The following ZFAND1 variants were observed in gnomAD, a reference collection of about 807,000 sequenced individuals.
ZFAND1 encodes the protein AN1-type zinc finger protein 1.
ZFAND1 carries 40 observed loss-of-function variants against 38.5 expected under a neutral mutation model. The ratio of observed to expected loss-of-function variants is 1.04; its 90% CI spans 0.81 to 1.35. ZFAND1 has a LOEUF of 1.35. Among genes scored for constraint, ZFAND1 ranks in the 40% most tolerant of loss-of-function variants. The probability of loss-of-function intolerance (pLI) is 0.00; values close to 1 mark genes in which losing one functional copy is unlikely to be tolerated. For missense variants in ZFAND1, 346 were observed against 316.3 expected, an observed-to-expected ratio of 1.09 and a Z score of -0.71; for synonymous variants, 117 against 103.6, an observed-to-expected ratio of 1.13 and a Z score of -0.78.
In ZFAND1 at chr8:81,704,125, T is replaced by C. The variant is rs191957893; in HGVS notation, c.481-1001A>G. On this transcript the variant is annotated intron_variant, in intron 6 of 7. Coordinates refer to ENST00000220669, the MANE Select transcript of ZFAND1 (RefSeq NM_024699.3). ...TTAAAAACAAAAAAAAAAAAAGAGA[T>C]AGAAAAAGACCTCCAAACCCCAAGT... is the stretch of plus-strand genomic sequence containing the variant. 3.3e-3 allele frequency among the ~76,000 whole-genome samples: 492 copies of C among 151,312 alleles called. 1 individual carries two copies. Among genetic ancestry groups the C allele is most frequent in the African/African-American group, 0.011 (473 of 41,290 alleles).
intron 6 of ZFAND1, 69 bp downstream of exon 6, chr8:81,713,849 A>T (rs1420027098): frequency 1.4e-6 from 2 of 1,479,614 alleles, no homozygotes; most frequent in Admixed American, 3.4e-5. Flanking sequence ...ATTGATGGGA[A>T]GGAGGAATAC....
At chr8:81,705,222 A>C (rs1807941008) in intron 6 of ZFAND1, among the ~76,000 whole-genome samples, 1 of 152,236 alleles carries the variant, frequency 6.6e-6, no homozygotes, top group African/African-American at 2.4e-5. Context: ...TAAAATTGCC[A>C]GACAGGGATC....
chr8:81,708,716 G>A, intron 6 of ZFAND1: 5 of 1,072,644 alleles, frequency 4.7e-6, no homozygotes, highest in Non-Finnish European at 4.6e-6. Flanking sequence ...GGAAACCATG[G>A]AGAAAAAGGG....
intron 6 of ZFAND1, chr8:81,708,880 A>T (rs1160554988): frequency 2.0e-6 from 2 of 1,000,884 alleles, no homozygotes; most frequent in Non-Finnish European, 2.6e-6. Flanking sequence ...AGTACTAAAG[A>T]TGATTAAAAA....
intron 6 of ZFAND1, among the ~76,000 whole-genome samples, chr8:81,713,030 A>C: frequency 6.6e-6 from 1 of 152,228 alleles, no homozygotes; most frequent in Admixed American, 6.5e-5. Flanking sequence ...TCCCTAAAGT[A>C]GCATTTTTTA....
At chr8:81,713,874 C>T in intron 6 of ZFAND1, 44 bp downstream of exon 6, 3 of 1,600,736 alleles carry the variant, frequency 1.9e-6, no homozygotes, top group Non-Finnish European at 2.6e-6. Flanking sequence ...AGGACTTCAA[C>T]TATATTTGAA....
chr8:81,720,989 G>A (rs1212120818), intron 1 of ZFAND1: 4 of 523,426 alleles, frequency 7.6e-6, no homozygotes, highest in Non-Finnish European at 1.4e-5. Flanking sequence ...CTCAGGCCCT[G>A]CCTCAGGAAT....
intron 6 of ZFAND1, among the ~76,000 whole-genome samples, chr8:81,703,762 G>C (rs1807882947): frequency 6.6e-6 from 1 of 152,044 alleles, no homozygotes; most frequent in Admixed American, 6.6e-5. Context: ...TAAACCTGGA[G>C]TTGCCTACAG....
At chr8:81,704,538 CAAA>C (rs58216047) in intron 6 of ZFAND1, among the ~76,000 whole-genome samples, 17 of 105,262 alleles carry the variant, frequency 1.6e-4, no homozygotes, top group Non-Finnish European at 1.7e-4. Context: ...GACCCTATTT[CAAA>C]AAAAAAAAAA....
At chr8:81,709,991 T>C (rs1040569721) in intron 6 of ZFAND1, among the ~76,000 whole-genome samples, 1 of 152,246 alleles carries the variant, frequency 6.6e-6, no homozygotes, top group Non-Finnish European at 1.5e-5. Context: ...TGCAAAGTAA[T>C]GTAAGTATTA....
intron 6 of ZFAND1, among the ~76,000 whole-genome samples, chr8:81,712,504 A>G (rs969476756): frequency 1.3e-5 from 2 of 152,172 alleles, no homozygotes; most frequent in Non-Finnish European, 2.9e-5. Flanking sequence ...TCTACAAAAT[A>G]TGGGAACTAT....
Position 81,702,656 on chromosome 8 carries a change from G to A in ZFAND1, c.*39C>T, listed in dbSNP as rs768707592. ...AATAAATGGACTTAAACATGTAATA[G>A]AATTTTCCCTGTGATTTCTGACTTG... On this transcript the variant is annotated 3_prime_UTR_variant, in exon 8 of 8. Coordinates refer to ENST00000220669, the MANE Select transcript of ZFAND1 (RefSeq NM_024699.3). 3.2e-5 allele frequency: 45 copies of A among 1,385,762 alleles called. No individual in the cohort carries two copies. The African/African-American group carries it at 6.2e-4, about 19-fold the overall frequency. The allele number at this position is 1,385,762 out of a possible 1,614,324, so 85.8% of individuals were successfully genotyped here. A position where few individuals can be genotyped will look rare whatever the true frequency, so the allele number is the denominator to read the frequency against.
intron 1 of ZFAND1, chr8:81,720,660 G>C (rs1028595353): frequency 1.3e-5 from 2 of 152,998 alleles, no homozygotes; most frequent in African/African-American, 2.4e-5. Context: ...TAACAGATAA[G>C]TAAAAAAAAG....
chr8:81,713,029 T>C (rs996824406), intron 6 of ZFAND1, among the ~76,000 whole-genome samples: 1 of 152,166 alleles, frequency 6.6e-6, no homozygotes, highest in South Asian at 2.1e-4. Context: ...TTCCCTAAAG[T>C]AGCATTTTTT....
chr8:81,719,427 A>G (rs1251893476), intron 1 of ZFAND1, among the ~76,000 whole-genome samples: 5 of 151,766 alleles, frequency 3.3e-5, no homozygotes, highest in African/African-American at 1.2e-4. Context: ...GAATCGCTTG[A>G]ATTCAGGAGG....
chr8:81,702,822 A>C lies in ZFAND1; in HGVS notation c.680T>G (p.Leu227Trp). The change falls in exon 8 of 8, where the codon TTG becomes TGG. Residue 227 changes from leucine (L) to tryptophan (W), a missense_variant. Physicochemically the swap from Leu to Trp is moderately conservative, Grantham distance 61. Transcript: ENST00000220669. ...CHITSGEALP[L>W]DHTLETWIAK... ...AATCCAGGTTTCCAAAGTATGATCC[A>C]AGGGTAAGGCTTCTCCTGAAGTAAT... 1 of 1,608,094 alleles carries C rather than the reference A, an allele frequency of 6.2e-7. No homozygotes were observed.
At chr8:81,702,898 A>G in intron 7 of ZFAND1, 33 bp from the exon 8 acceptor site, 1 of 1,555,548 alleles carries the variant, frequency 6.4e-7, no homozygotes, top group Non-Finnish European at 8.7e-7. Flanking sequence ...TACTGTAATA[A>G]ATAAACATGC....
chr8:81,719,886 TCA>T (rs1403200080), intron 1 of ZFAND1, among the ~76,000 whole-genome samples: 7 of 152,130 alleles, frequency 4.6e-5, no homozygotes, highest in African/African-American at 9.7e-5. Flanking sequence ...CACACATAAT[TCA>T]CAGTCAAAAC....
chr8:81,721,283 T>A lies in ZFAND1; in HGVS notation c.-2A>T, dbSNP rs1170879515. ...CTGCCCGATGTCCAACTCCGCCATC[T>A]CTCCGGCGCCGTAAGGGGCGGGGCA... On this transcript the variant is annotated 5_prime_UTR_variant, in exon 1 of 8. Coordinates refer to ENST00000220669, the MANE Select transcript of ZFAND1 (RefSeq NM_024699.3). The A allele has an allele frequency of 1.3e-6, 2 of 1,548,506 alleles. No homozygotes were observed.
Sources: allele counts gnomAD v4.1 joint callset (sites outside exome capture counted in the v4.1 genomes callset), GRCh38; gene constraint gnomAD v4.1.1; transcripts MANE v1.5; gene names NCBI Gene and HGNC (gene_info 2026-07-23, HGNC 2026-07-21).